Variants in COPE observed in about 807,000 individuals in gnomAD.
The protein encoded by COPE is coatomer subunit epsilon.
Under a neutral mutation model 42.1 loss-of-function variants are expected in COPE, and 19 were observed. The observed-to-expected ratio is 0.45, with a 90% confidence interval of 0.31 to 0.66. The LOEUF is 0.66. COPE is among the 30% of genes least tolerant of loss of function. The pLI, the probability that COPE is intolerant of heterozygous loss-of-function variation, is 0.05. For missense variants in COPE, 402 were observed against 416.1 expected (o/e 0.97, Z 0.30); for synonymous variants, 195 against 181.3 (o/e 1.08, Z -0.60).
intron 4 of COPE, 147 bp downstream of exon 4, chr19:18,906,813 G>T: frequency 1.1e-6 from 1 of 948,388 alleles, no homozygotes. Context: ...CAGGGGAGCT[G>T]GAGCCTGGAC....
At chr19:18,899,814 G>A (rs558608350) in intron 9 of COPE, 59 bp downstream of exon 9, 1 of 1,608,502 alleles carries the variant, frequency 6.2e-7, no homozygotes, top group Non-Finnish European at 8.5e-7. Flanking sequence ...GTGAGCCCAG[G>A]CTGAGCTCCA....
chr19:18,903,438 C>T lies in COPE; in HGVS notation c.580-15G>A. 6.3e-7 allele frequency: 1 copy of T among 1,593,186 alleles called. No homozygotes were observed. Among genetic ancestry groups the T allele is most frequent in the Non-Finnish European group, 8.6e-7 (1 of 1,168,732 alleles). On this transcript the variant is annotated splice_polypyrimidine_tract_variant and intron_variant, in intron 6 of 9. Transcript: ENST00000262812. ...TTCTCACCACCCTGCAGGGAGGGTCCCGCATCATTGCCTGTGCCCCTGCTG... is the reference window on the plus strand; with the variant it reads ...TTCTCACCACCCTGCAGGGAGGGTCTCGCATCATTGCCTGTGCCCCTGCTG...
intron 7 of COPE, among the ~76,000 whole-genome samples, 190 bp downstream of exon 7, chr19:18,903,078 G>A (rs1260135936): frequency 1.3e-5 from 2 of 152,080 alleles, no homozygotes; most frequent in Admixed American, 6.6e-5. Context: ...CTGTGAGGCC[G>A]GAATCTGGAT....
At chr19:18,908,769 G>A (rs1299789847) in intron 3 of COPE, among the ~76,000 whole-genome samples, 1 of 151,724 alleles carries the variant, frequency 6.6e-6, no homozygotes, top group Non-Finnish European at 1.5e-5. Flanking sequence ...CGCCCGCCTC[G>A]GCCTCCCAAA....
At chr19:18,912,291 C>G (rs757959937) in intron 2 of COPE, among the ~76,000 whole-genome samples, 15 of 152,136 alleles carry the variant, frequency 9.9e-5, no homozygotes, top group South Asian at 2.1e-4. Context: ...GGACTCCAGG[C>G]ACATGCCACC....
At chr19:18,900,250 G>T in intron 8 of COPE, 131 bp downstream of exon 8, 1 of 757,280 alleles carries the variant, frequency 1.3e-6, no homozygotes, top group Non-Finnish European at 2.1e-6. Context: ...GGGTTTGTGA[G>T]GGAGGTGGGC....
At chr19:18,918,309 A>C (rs1380607261) in intron 1 of COPE, among the ~76,000 whole-genome samples, 1 of 152,290 alleles carries the variant, frequency 6.6e-6, no homozygotes, top group East Asian at 1.9e-4. Flanking sequence ...AGCCTCTGAT[A>C]AACTCTCCGA....
At chr19:18,908,677 C>A (rs935659777) in intron 3 of COPE, among the ~76,000 whole-genome samples, 3 of 151,890 alleles carry the variant, frequency 2.0e-5, no homozygotes, top group Non-Finnish European at 4.4e-5. Context: ...CCACCATGCC[C>A]GGCTAATTTT....
intron 3 of COPE, among the ~76,000 whole-genome samples, chr19:18,909,524 T>C (rs1295247919): frequency 6.6e-6 from 1 of 150,834 alleles, no homozygotes; most frequent in East Asian, 1.9e-4. Context: ...CTTTCCTTTT[T>C]TTTTTTTTTT....
intron 4 of COPE, chr19:18,906,607 T>G: frequency 1.5e-5 from 3 of 199,186 alleles, no homozygotes; most frequent in East Asian, 1.3e-4. Context: ...AGGGCCGGTA[T>G]GGGGGGCCCG....
At chr19:18,904,157 G>T (rs959197159) in intron 6 of COPE, among the ~76,000 whole-genome samples, 1 of 152,242 alleles carries the variant, frequency 6.6e-6, no homozygotes, top group African/African-American at 2.4e-5. Context: ...TAAAGATGGG[G>T]TTTCTCCATG....
chr19:18,905,880 A>C (rs2056754375), intron 4 of COPE: 1 of 546,852 alleles, frequency 1.8e-6, no homozygotes, highest in Non-Finnish European at 3.2e-6. Context: ...CCATCTGGAG[A>C]AGCAGCCTCC....
rs16994657 is a variant in COPE, at chr19:18,906,875, A to C, written c.443+85T>G. The C allele has an allele frequency of 4.8e-4, 687 of 1,420,680 alleles. 3 individuals carry two copies. The African/African-American group carries it at 9.1e-3, about 19-fold the overall frequency. The allele number at this position is 1,420,680 out of a possible 1,614,324, so 88.0% of individuals were successfully genotyped here. A position where few individuals can be genotyped will look rare whatever the true frequency, so the allele number is the denominator to read the frequency against. On this transcript the variant is annotated intron_variant, in intron 4 of 9. Coordinates refer to ENST00000262812, the MANE Select transcript of COPE (RefSeq NM_007263.4). Reference sequence around the variant, plus strand: ...CACCTTTCTCTGCTCCCATGACGACAGCCAGCGAGGCCGTGCGCAGCCTGG... The same window carrying C: ...CACCTTTCTCTGCTCCCATGACGACCGCCAGCGAGGCCGTGCGCAGCCTGG...
chr19:18,905,459 G>T, intron 5 of COPE, 117 bp downstream of exon 5: 1 of 1,077,466 alleles, frequency 9.3e-7, no homozygotes, highest in Non-Finnish European at 1.3e-6. Flanking sequence ...CACCCCCATG[G>T]AAAGGAAAGA....
intron 7 of COPE, among the ~76,000 whole-genome samples, chr19:18,902,438 G>T (rs891796000): frequency 6.6e-6 from 1 of 150,746 alleles, no homozygotes; most frequent in African/African-American, 2.4e-5. Context: ...GCTGAGGCGG[G>T]TGGATCACCT....
chr19:18,914,239 T>C (rs999199123), intron 1 of COPE, among the ~76,000 whole-genome samples: 2 of 152,126 alleles, frequency 1.3e-5, no homozygotes, highest in African/African-American at 4.8e-5. Flanking sequence ...TTTTCAAGTA[T>C]GCAAAGAAAC....
chr19:18,912,239 T>C (rs1412472722), intron 2 of COPE, among the ~76,000 whole-genome samples: 1 of 151,630 alleles, frequency 6.6e-6, no homozygotes, highest in Non-Finnish European at 1.5e-5. Context: ...CTTGACCTCC[T>C]GGGCTCAACT....
In COPE at chr19:18,911,187, C is replaced by T. The variant is rs1008967172; in HGVS notation, c.190-116G>A. 5.3e-5 allele frequency: 47 copies of T among 886,142 alleles called. No homozygotes were observed. In the African/African-American group the frequency reaches 6.6e-4, roughly 12 times the overall value. 54.9% of individuals were successfully genotyped at this position (886,142 alleles called of 1,614,324 possible). On this transcript the variant is annotated intron_variant, in intron 2 of 9. Coordinates refer to ENST00000262812, the MANE Select transcript of COPE (RefSeq NM_007263.4). ...CCCTGCCCCACCAGGGACCCCTCAG[C>T]CCAGCATGGGCCACCTCCACTGCAG... is the stretch of plus-strand genomic sequence containing the variant.
chr19:18,905,713 G>A, intron 4 of COPE, 84 bp from the exon 5 acceptor site: 1 of 1,396,160 alleles, frequency 7.2e-7, no homozygotes. Flanking sequence ...CACTGTGTGT[G>A]TCTGGGATGT....
Sources: allele counts gnomAD v4.1 joint callset (sites outside exome capture counted in the v4.1 genomes callset), GRCh38; gene constraint gnomAD v4.1.1; transcripts MANE v1.5; gene names NCBI Gene and HGNC (gene_info 2026-07-23, HGNC 2026-07-21).